Variants in FAM178B observed in about 807,000 individuals in gnomAD.
FAM178B encodes family with sequence similarity 178 member B.
A neutral mutation model predicts 91.7 loss-of-function variants in FAM178B; 82 were observed. The ratio of observed to expected loss-of-function variants is 0.89; its 90% CI spans 0.75 to 1.07. The LOEUF is 1.07. Among genes scored for constraint, FAM178B ranks in the 50% least tolerant of loss-of-function variants. The pLI is 0.00. For synonymous variants in FAM178B, 368 were observed against 359.4 expected (o/e 1.02, Z -0.27); for missense variants, 769 against 846.7 (o/e 0.91, Z 1.14).
chr2:96,876,770 T>TG (rs1168876638), intron 16 of FAM178B, among the ~76,000 whole-genome samples: 1 of 142,160 alleles, frequency 7.0e-6, no homozygotes, highest in Admixed American at 7.0e-5. Flanking sequence ...GGTGGTGGGG[T>TG]GGGGGGTGGT....
intron 8 of FAM178B, among the ~76,000 whole-genome samples, chr2:96,941,143 T>G (rs72942970): frequency 6.6e-6 from 1 of 152,210 alleles, no homozygotes; most frequent in Admixed American, 6.5e-5. Context: ...CGGGAAATAA[T>G]CACAAGAAAC....
At chr2:96,985,455 G>T (rs1384974549) in intron 1 of FAM178B, among the ~76,000 whole-genome samples, 1 of 152,048 alleles carries the variant, frequency 6.6e-6, no homozygotes, top group Non-Finnish European at 1.5e-5. Flanking sequence ...CGCCCTCCCC[G>T]CTTCCCTCAT....
chr2:96,926,678 T>C (rs1469248156), intron 9 of FAM178B, among the ~76,000 whole-genome samples: 1 of 152,208 alleles, frequency 6.6e-6, no homozygotes, highest in Non-Finnish European at 1.5e-5. Context: ...TCCAACAAGT[T>C]GGATGCCAGG....
intron 13 of FAM178B, among the ~76,000 whole-genome samples, chr2:96,897,624 G>C (rs1462166411): frequency 6.6e-6 from 1 of 152,114 alleles, no homozygotes; most frequent in African/African-American, 2.4e-5. Context: ...ACATCCCACT[G>C]TCTGTACTTG....
intron 14 of FAM178B, among the ~76,000 whole-genome samples, chr2:96,881,790 G>A (rs2080392090): frequency 6.6e-6 from 1 of 152,044 alleles, no homozygotes; most frequent in African/African-American, 2.4e-5. Flanking sequence ...GTGTTTGGGT[G>A]GATAGTGAGT....
chr2:96,899,719 GC>G (rs1037186070), intron 13 of FAM178B, among the ~76,000 whole-genome samples: 9 of 151,972 alleles, frequency 5.9e-5, no homozygotes, highest in African/African-American at 1.9e-4. Context: ...AGAGGCACAT[GC>G]CACCATGTCC....
intron 12 of FAM178B, among the ~76,000 whole-genome samples, chr2:96,913,528 G>A (rs934682536): frequency 2.0e-5 from 3 of 152,154 alleles, no homozygotes; most frequent in African/African-American, 4.8e-5. Context: ...GGAGGGAAAC[G>A]AGGGTTTCGA....
At chr2:96,985,003 A>G (rs930301705) in intron 1 of FAM178B, among the ~76,000 whole-genome samples, 2 of 152,226 alleles carry the variant, frequency 1.3e-5, no homozygotes, top group Non-Finnish European at 2.9e-5. Context: ...GAACGATGAC[A>G]CAAAGAAAGA....
At chr2:96,962,431 G>GA (rs984878014) in intron 5 of FAM178B, among the ~76,000 whole-genome samples, 6 of 126,776 alleles carry the variant, frequency 4.7e-5, no homozygotes, top group South Asian at 2.7e-4. Context: ...TTCGTCTCAA[G>GA]AAAAAAAAAA....
chr2:96,889,928 C>T (rs2080628795), intron 14 of FAM178B, among the ~76,000 whole-genome samples: 1 of 148,464 alleles, frequency 6.7e-6, no homozygotes, highest in African/African-American at 2.5e-5. Context: ...TGCTTGAGCT[C>T]AGGAGTTTGT....
intron 5 of FAM178B, among the ~76,000 whole-genome samples, chr2:96,963,521 T>G (rs1178418234): frequency 1.3e-5 from 2 of 152,218 alleles, no homozygotes; most frequent in Non-Finnish European, 2.9e-5. Context: ...CATGGCCGGC[T>G]GCCTTTCCCT....
At chr2:96,976,097 C>CT (rs757487916) in intron 1 of FAM178B, among the ~76,000 whole-genome samples, 5,360 of 142,358 alleles carry the variant, frequency 0.038, 124 homozygotes, top group African/African-American at 0.075. Context: ...TAAAACAATT[C>CT]TTTTTTTTTT....
At chr2:96,898,526 C>T (rs1009909255) in intron 13 of FAM178B, among the ~76,000 whole-genome samples, 2 of 152,116 alleles carry the variant, frequency 1.3e-5, no homozygotes, top group African/African-American at 4.8e-5. Context: ...TGGTGGTGCA[C>T]GCCCATAGTC....
At chr2:96,909,219 C>T (rs1405133115) in intron 12 of FAM178B, among the ~76,000 whole-genome samples, 1 of 152,086 alleles carries the variant, frequency 6.6e-6, no homozygotes, top group African/African-American at 2.4e-5. Flanking sequence ...CATAGTTATC[C>T]ATTTTAATTC....
intron 9 of FAM178B, among the ~76,000 whole-genome samples, chr2:96,924,148 C>G (rs376065471): frequency 2.0e-5 from 3 of 152,192 alleles, no homozygotes; most frequent in Non-Finnish European, 2.9e-5. Flanking sequence ...CACATGCTAC[C>G]GTTCAGGTGA....
At chr2:96,897,455 G>A (rs918267096) in intron 13 of FAM178B, among the ~76,000 whole-genome samples, 1 of 152,170 alleles carries the variant, frequency 6.6e-6, no homozygotes, top group Non-Finnish European at 1.5e-5. Flanking sequence ...TTTGACAAGA[G>A]GTTTACTGTG....
rs955941114 is a variant in FAM178B at position 96,986,491 on chromosome 2, C to G, written c.-178G>C. 11 of 729,180 alleles carry G rather than the reference C, an allele frequency of 1.5e-5. No homozygotes were observed. Among genetic ancestry groups the G allele is most frequent in the Non-Finnish European group, 2.4e-5 (11 of 462,476 alleles). The allele number at this position is 729,180 out of a possible 1,614,324, so 45.2% of individuals were successfully genotyped here. The stretch of plus-strand genomic sequence containing the variant: ...GGCCGCCAACGTGGAACCTAAAGAT[C>G]CAGTTCTGGGGATTGAGTTCCGACT... On this transcript the variant is annotated 5_prime_UTR_variant, in exon 1 of 17. Transcript: ENST00000490605.
chr2:96,898,848 A>G (rs1464532359), intron 13 of FAM178B, among the ~76,000 whole-genome samples: 3 of 152,186 alleles, frequency 2.0e-5, no homozygotes, highest in Admixed American at 6.5e-5. Context: ...TGACAGGTGG[A>G]AAGGAAGAAG....
chr2:96,905,553 T>C (rs1574224124), intron 12 of FAM178B, among the ~76,000 whole-genome samples: 1 of 128,148 alleles, frequency 7.8e-6, no homozygotes, highest in Admixed American at 8.4e-5. Context: ...CGAGACTCCA[T>C]CTCAAAAAAA....
Sources: gnomAD v4.1 joint callset for allele counts (sites outside exome capture counted in the v4.1 genomes callset) on GRCh38, gnomAD v4.1.1 for gene constraint, MANE v1.5 for transcripts, NCBI Gene and HGNC (gene_info 2026-07-23, HGNC 2026-07-21) for gene names.